PDZRN4: variants seen among roughly 807,000 people sequenced by gnomAD.
The protein encoded by PDZRN4 is PDZ domain containing ring finger 4, also known as PDZ domain-containing RING finger protein 4.
PDZRN4 carries 70 observed loss-of-function variants against 99.0 expected under a neutral mutation model. The observed-to-expected ratio is 0.71, with a 90% confidence interval of 0.58 to 0.86. The LOEUF (loss-of-function observed/expected upper bound fraction) is 0.86, where lower values mean the gene tolerates loss of function less well. Ranked by LOEUF, PDZRN4 falls within the 40% of genes least tolerant of loss-of-function variation. The pLI, the probability that PDZRN4 is intolerant of heterozygous loss-of-function variation, is 0.00. For synonymous variants in PDZRN4, 551 were observed against 501.6 expected, an observed-to-expected ratio of 1.10 and a Z score of -1.32; for missense variants, 1,474 against 1,331.2, an observed-to-expected ratio of 1.11 and a Z score of -1.67.
intron 3 of PDZRN4, among the ~76,000 whole-genome samples, chr12:41,475,430 G>C (rs1246882124): frequency 6.6e-6 from 1 of 152,128 alleles, no homozygotes; most frequent in Admixed American, 6.5e-5. Flanking sequence ...TGGTTCAGTA[G>C]TTAGAATCAA....
intron 3 of PDZRN4, among the ~76,000 whole-genome samples, chr12:41,442,592 C>T (rs928635930): frequency 2.0e-5 from 3 of 152,118 alleles, no homozygotes; most frequent in Admixed American, 1.3e-4. Flanking sequence ...CAGCTGCTGG[C>T]GAAGGCCCAT....
At chr12:41,547,458 T>C (rs1018029999) in intron 5 of PDZRN4, among the ~76,000 whole-genome samples, 1 of 152,006 alleles carries the variant, frequency 6.6e-6, no homozygotes, top group African/African-American at 2.4e-5. Flanking sequence ...AAACCCCATC[T>C]CTACTAAAAA....
intron 3 of PDZRN4, among the ~76,000 whole-genome samples, chr12:41,483,602 C>T (rs1295462411): frequency 6.6e-6 from 1 of 152,140 alleles, no homozygotes; most frequent in African/African-American, 2.4e-5. Context: ...TGCTTAGCCT[C>T]CAGCTTCTTT....
intron 8 of PDZRN4, among the ~76,000 whole-genome samples, chr12:41,563,970 A>T (rs1215617920): frequency 6.6e-6 from 1 of 152,186 alleles, no homozygotes; most frequent in Non-Finnish European, 1.5e-5. Context: ...AAGCATACCA[A>T]ATTGAATTGT....
At chr12:41,351,032 A>G (rs1386181833) in intron 3 of PDZRN4, among the ~76,000 whole-genome samples, 1 of 152,156 alleles carries the variant, frequency 6.6e-6, no homozygotes, top group East Asian at 1.9e-4. Flanking sequence ...AGTGGAATAC[A>G]TGCATTTCTT....
chr12:41,289,216 C>T (rs73122812), intron 3 of PDZRN4, among the ~76,000 whole-genome samples: 8,435 of 152,170 alleles, frequency 0.055, 258 homozygotes, highest in Non-Finnish European at 0.062. Flanking sequence ...TGCTCATCCA[C>T]GAACAGTTAA....
intron 3 of PDZRN4, among the ~76,000 whole-genome samples, chr12:41,377,428 G>A (rs979565589): frequency 1.3e-5 from 2 of 152,056 alleles, no homozygotes; most frequent in Non-Finnish European, 2.9e-5. Flanking sequence ...TTCTTGGGAG[G>A]CCAAGGCGGG....
intron 3 of PDZRN4, among the ~76,000 whole-genome samples, chr12:41,503,027 A>G (rs1938137729): frequency 6.6e-6 from 1 of 152,146 alleles, no homozygotes; most frequent in African/African-American, 2.4e-5. Flanking sequence ...GAAAATCCCA[A>G]TTAAGCTCTT....
intron 3 of PDZRN4, among the ~76,000 whole-genome samples, chr12:41,328,669 C>T (rs796298115): frequency 3.5e-4 from 53 of 152,204 alleles, no homozygotes; most frequent in African/African-American, 1.3e-3. Context: ...TTTCTAAGAG[C>T]CCATCAGCAT....
At chr12:41,256,523 T>C (rs1951205622) in intron 3 of PDZRN4, among the ~76,000 whole-genome samples, 1 of 152,174 alleles carries the variant, frequency 6.6e-6, no homozygotes, top group Non-Finnish European at 1.5e-5. Context: ...CAAGCCAACA[T>C]TTACCTTCTC....
intron 3 of PDZRN4, among the ~76,000 whole-genome samples, chr12:41,199,446 T>C (rs1345766693): frequency 6.6e-6 from 1 of 152,182 alleles, no homozygotes; most frequent in African/African-American, 2.4e-5. Context: ...GAAAACACTA[T>C]GGCGACTTCC....
intron 1 of PDZRN4, among the ~76,000 whole-genome samples, chr12:41,190,391 G>T (rs2120628871): frequency 6.6e-6 from 1 of 152,316 alleles, no homozygotes; most frequent in East Asian, 1.9e-4. Flanking sequence ...CCGGGGAAAA[G>T]CACAGATAGA....
Position 41,208,861 on chromosome 12 carries a change from T to A in PDZRN4, c.843+14673T>A, listed in dbSNP as rs191411950. Among the ~76,000 whole-genome samples the A allele has an allele frequency of 8.7e-3, 1,324 of 152,010 alleles. 12 individuals carry two copies. The highest frequency in any genetic ancestry group is 0.014 in the Non-Finnish European group (965 of 67,906). ...TTTTTTTCCTTTTCTTTCCTTTTTTTAAAAAATATTGTTAGGGGAAAAAAA... is the reference window on the plus strand; with the variant it reads ...TTTTTTTCCTTTTCTTTCCTTTTTTAAAAAAATATTGTTAGGGGAAAAAAA... On this transcript the variant is annotated intron_variant, in intron 3 of 9. Coordinates refer to ENST00000402685, the MANE Select transcript of PDZRN4 (RefSeq NM_001164595.2).
Position 41,562,010 on chromosome 12 carries a change from G to A in PDZRN4, c.1366-1538G>A, listed in dbSNP as rs12227303. The stretch of plus-strand genomic sequence containing the variant: ...TTTCCAGAGGTATTTATGACAAACC[G>A]CAACATATCCTTCCCGGTCATTATT... On this transcript the variant is annotated intron_variant, in intron 7 of 9. Coordinates refer to ENST00000402685, the MANE Select transcript of PDZRN4 (RefSeq NM_001164595.2). Among the ~76,000 whole-genome samples the A allele has an allele frequency of 8.3e-3, 1,257 of 152,084 alleles. 42 individuals carry two copies. In the East Asian group the frequency reaches 0.14, roughly 17 times the overall value.
chr12:41,371,985 T>A (rs1282423597), intron 3 of PDZRN4, among the ~76,000 whole-genome samples: 2 of 152,174 alleles, frequency 1.3e-5, no homozygotes, highest in African/African-American at 4.8e-5. Context: ...TCCTACTAGA[T>A]GTCAGCCTCC....
At chr12:41,474,578 C>T (rs1330685972) in intron 3 of PDZRN4, among the ~76,000 whole-genome samples, 3 of 152,208 alleles carry the variant, frequency 2.0e-5, no homozygotes, top group Admixed American at 1.3e-4. Flanking sequence ...TGTTCTTATG[C>T]ACTCTTCTAA....
Position 41,191,259 on chromosome 12 carries a change from C to T in PDZRN4, c.649-199C>T, listed in dbSNP as rs571366942. On this transcript the variant is annotated intron_variant, in intron 1 of 9. Transcript: ENST00000402685. The stretch of plus-strand genomic sequence containing the variant: ...ATAGGGCTTTTTCCCCTCACATGCA[C>T]AGTTGTTCTTTTTCAAATACATACT... 1.2e-4 allele frequency among the ~76,000 whole-genome samples: 18 copies of T among 152,296 alleles called. No homozygotes were observed. In the South Asian group the frequency reaches 3.7e-3, roughly 32 times the overall value.
chr12:41,379,876 T>A (rs1458507692), intron 3 of PDZRN4, among the ~76,000 whole-genome samples: 1 of 152,076 alleles, frequency 6.6e-6, no homozygotes, highest in Non-Finnish European at 1.5e-5. Context: ...TGGTCTATAG[T>A]GTTGTTAAAA....
In PDZRN4 at chr12:41,426,529, C is replaced by G. The variant is rs1952538432; in HGVS notation, c.844-79927C>G. Among the ~76,000 whole-genome samples, 3 of 152,326 alleles carry G rather than the reference C, an allele frequency of 2.0e-5. No individual in the cohort carries two copies. The South Asian group carries it at 6.2e-4, about 32-fold the overall frequency. Reference sequence around the variant, plus strand: ...ATTGAAAAAGGCATGATCTTAGAATCAAACCTATTTGTATTTAAATGCCAG... The same window carrying G: ...ATTGAAAAAGGCATGATCTTAGAATGAAACCTATTTGTATTTAAATGCCAG... On this transcript the variant is annotated intron_variant, in intron 3 of 9. Coordinates refer to ENST00000402685, the MANE Select transcript of PDZRN4 (RefSeq NM_001164595.2).
Sources: allele counts gnomAD v4.1 joint callset (sites outside exome capture counted in the v4.1 genomes callset), GRCh38; gene constraint gnomAD v4.1.1; transcripts MANE v1.5; gene names NCBI Gene and HGNC (gene_info 2026-07-23, HGNC 2026-07-21).